Variants in AGAP1 observed in about 807,000 individuals in gnomAD.
AGAP1 encodes arf-GAP with GTPase, ANK repeat and PH domain-containing protein 1.
AGAP1 carries 29 observed loss-of-function variants against 105.3 expected under a neutral mutation model. The ratio of observed to expected loss-of-function variants is 0.28; its 90% CI spans 0.21 to 0.38. The LOEUF is 0.38. AGAP1 is among the 10% of genes least tolerant of loss of function. AGAP1 has a pLI of 1.00. For synonymous variants in AGAP1, 509 were observed against 485.9 expected (o/e 1.05, Z -0.63); for missense variants, 998 against 1,165.1 (o/e 0.86, Z 2.09).
chr2:235,883,070 C>G lies in AGAP1; in HGVS notation c.1051-275C>G, dbSNP rs2050111420. Among the ~76,000 whole-genome samples the G allele has an allele frequency of 6.6e-6, 1 of 152,128 alleles. No homozygotes were observed. ...CTCTTGGGCTCAAACGATCCTTACACCGTGCCCAGCCTGGGGTTTCTTTCT... is the reference window on the plus strand; with the variant it reads ...CTCTTGGGCTCAAACGATCCTTACAGCGTGCCCAGCCTGGGGTTTCTTTCT... On this transcript the variant is annotated intron_variant, in intron 9 of 17. Transcript: ENST00000304032. The surrounding 1 kb of genome is among the most constrained non-coding windows in gnomAD (Gnocchi z 4.5).
At chr2:236,084,779 C>T (rs1355659467) in intron 16 of AGAP1, among the ~76,000 whole-genome samples, 1 of 151,932 alleles carries the variant, frequency 6.6e-6, no homozygotes, top group Admixed American at 6.6e-5. Context: ...TGGTGGGCGC[C>T]TGTAGTCCCA....
In AGAP1 at chr2:236,062,711, G is replaced by C. The variant is rs557435967; in HGVS notation, c.2114+13430G>C. ...GAATCTCACTCTGTCACCCAGGCTG[G>C]AGTGCAGTGGAGCAATCTTGGCTCA... On this transcript the variant is annotated intron_variant, in intron 16 of 17. Coordinates refer to ENST00000304032, the MANE Select transcript of AGAP1 (RefSeq NM_001037131.3). This position sits in a 1 kb window ranked among gnomAD's most constrained non-coding sequence, Gnocchi z 4.2. 6.6e-6 allele frequency among the ~76,000 whole-genome samples: 1 copy of C among 152,218 alleles called. No individual in the cohort carries two copies. Among genetic ancestry groups the C allele is most frequent in the East Asian group, 1.9e-4 (1 of 5,172 alleles).
intron 12 of AGAP1, among the ~76,000 whole-genome samples, chr2:235,932,291 C>T (rs1450399889): frequency 6.6e-6 from 1 of 152,132 alleles, no homozygotes; most frequent in East Asian, 1.9e-4. Flanking sequence ...GTTCAATGGA[C>T]ACGTTCTCCC....
At chr2:235,943,230 C>T (rs1015894069) in intron 12 of AGAP1, among the ~76,000 whole-genome samples, 6 of 152,198 alleles carry the variant, frequency 3.9e-5, no homozygotes, top group Non-Finnish European at 7.3e-5. Flanking sequence ...TAAGAACCGT[C>T]AATCATACTG....
rs1410833022 is a variant in AGAP1, at chr2:236,092,677, C to T, written c.2115-27515C>T. Among the ~76,000 whole-genome samples the T allele has an allele frequency of 1.3e-5, 2 of 152,354 alleles. No individual in the cohort carries two copies. Among genetic ancestry groups the T allele is most frequent in the Admixed American group, 1.3e-4 (2 of 15,304 alleles). On this transcript the variant is annotated intron_variant, in intron 16 of 17. Transcript: ENST00000304032. This position sits in a 1 kb window ranked among gnomAD's most constrained non-coding sequence, Gnocchi z 4.7. ...AAAGTGCTGGGATTACAGGCGTGAG[C>T]CACCGCGCCCGGCCGTATTATTTCT...
intron 1 of AGAP1, among the ~76,000 whole-genome samples, chr2:235,524,887 A>T (rs922519517): frequency 1.3e-5 from 2 of 152,252 alleles, no homozygotes; most frequent in Non-Finnish European, 2.9e-5. Context: ...TAGTTATTAA[A>T]TTCTAGAAAA....
intron 1 of AGAP1, among the ~76,000 whole-genome samples, chr2:235,584,193 C>CTTTTTTTTTTTT (rs11447483): frequency 1.4e-5 from 2 of 139,986 alleles, no homozygotes; most frequent in Non-Finnish European, 1.5e-5. Context: ...CAATAAACCA[C>CTTTTTTTTTTTT]TTTTTTTTTT....
chr2:235,999,760 A>AGAGGTGGTGG (rs2056031725), intron 13 of AGAP1, among the ~76,000 whole-genome samples: 1 of 151,788 alleles, frequency 6.6e-6, no homozygotes, highest in African/African-American at 2.4e-5. Flanking sequence ...GATGATGCTG[A>AGAGGTGGTGG]TTATGATGTT....
chr2:235,824,234 A>G lies in AGAP1; in HGVS notation c.1050+16903A>G, dbSNP rs532781824. 6.6e-6 allele frequency among the ~76,000 whole-genome samples: 1 copy of G among 152,338 alleles called. No homozygotes were observed. Among genetic ancestry groups the G allele is most frequent in the South Asian group, 2.1e-4 (1 of 4,828 alleles). ...ACGGTACAGCTAGGCCTTCTGTGAG[A>G]TCCCTTTCCCCTTAATACAGAAATC... On this transcript the variant is annotated intron_variant, in intron 9 of 17. Coordinates refer to ENST00000304032, the MANE Select transcript of AGAP1 (RefSeq NM_001037131.3). The surrounding 1 kb of genome is among the most constrained non-coding windows in gnomAD (Gnocchi z 5.2).
At chr2:235,812,037 T>C (rs1168254025) in intron 9 of AGAP1, among the ~76,000 whole-genome samples, 1 of 152,172 alleles carries the variant, frequency 6.6e-6, no homozygotes, top group African/African-American at 2.4e-5. Context: ...GTCCGTCCTC[T>C]GCGATGCCCG....
chr2:235,872,379 G>C lies in AGAP1; in HGVS notation c.1051-10966G>C, dbSNP rs1370068057. Among the ~76,000 whole-genome samples, 1 of 152,178 alleles carries C rather than the reference G, an allele frequency of 6.6e-6. No individual in the cohort carries two copies. Among genetic ancestry groups the C allele is most frequent in the African/African-American group, 2.4e-5 (1 of 41,458 alleles). On this transcript the variant is annotated intron_variant, in intron 9 of 17. Coordinates refer to ENST00000304032, the MANE Select transcript of AGAP1 (RefSeq NM_001037131.3). The surrounding 1 kb of genome is among the most constrained non-coding windows in gnomAD (Gnocchi z 4.5). ...CAAGAAAGAATCTTAAGCAGAGATG[G>C]TTTTCACATGTACAAAAGTGGCATC...
At position 235,793,290 on chromosome 2, in the gene AGAP1, G is replaced by A. The variant is rs184618811; in HGVS notation, c.674-4469G>A. 2.0e-4 allele frequency among the ~76,000 whole-genome samples: 31 copies of A among 152,276 alleles called. No homozygotes were observed. The highest frequency in any genetic ancestry group is 6.5e-4 in the African/African-American group (27 of 41,552). ...GGGCGTGGCACACGGTGTAATCCGG[G>A]CAGCCTTGGCGAGCACCTCCTGTGT... On this transcript the variant is annotated intron_variant, in intron 6 of 17. Transcript: ENST00000304032. This position sits in a 1 kb window ranked among gnomAD's most constrained non-coding sequence, Gnocchi z 5.3.
At chr2:235,755,086 A>G (rs1239351103) in intron 6 of AGAP1, among the ~76,000 whole-genome samples, 3 of 151,992 alleles carry the variant, frequency 2.0e-5, no homozygotes, top group Non-Finnish European at 2.9e-5. Context: ...AGCCCTGGGG[A>G]AGGGAGGCAC....
intron 1 of AGAP1, among the ~76,000 whole-genome samples, chr2:235,523,692 T>C (rs1942713144): frequency 6.6e-6 from 1 of 152,186 alleles, no homozygotes; most frequent in South Asian, 2.1e-4. Flanking sequence ...CAGGGGAGGC[T>C]GCACAGACAT....
At position 235,574,259 on chromosome 2, in the gene AGAP1, C is replaced by T. The variant is rs1574879845; in HGVS notation, c.163+79410C>T. 6.6e-6 allele frequency among the ~76,000 whole-genome samples: 1 copy of T among 152,196 alleles called. No individual in the cohort carries two copies. Among genetic ancestry groups the T allele is most frequent in the East Asian group, 1.9e-4 (1 of 5,192 alleles). ...TCATCCTAAAAACGCCTCTGAGATC[C>T]ACCCCCACTCCTGCCATCAGGCATT... On this transcript the variant is annotated intron_variant, in intron 1 of 17. Coordinates refer to ENST00000304032, the MANE Select transcript of AGAP1 (RefSeq NM_001037131.3). The surrounding 1 kb of genome is among the most constrained non-coding windows in gnomAD (Gnocchi z 5.0).
At chr2:235,637,194 T>A (rs1367503533) in intron 1 of AGAP1, among the ~76,000 whole-genome samples, 1 of 152,222 alleles carries the variant, frequency 6.6e-6, no homozygotes, top group Non-Finnish European at 1.5e-5. Flanking sequence ...TCAGTTTCTT[T>A]GTCTGTAAAA....
At chr2:236,039,158 A>G (rs568027215) in intron 14 of AGAP1, among the ~76,000 whole-genome samples, 2 of 152,208 alleles carry the variant, frequency 1.3e-5, no homozygotes, top group African/African-American at 4.8e-5. Context: ...AAAACACTAC[A>G]TATCAGCCAG....
intron 11 of AGAP1, among the ~76,000 whole-genome samples, chr2:235,914,705 G>A (rs570870249): frequency 1.6e-3 from 246 of 152,298 alleles, no homozygotes; most frequent in African/African-American, 5.1e-3. Flanking sequence ...CCACCCTCTG[G>A]GGCTCATGCA....
At position 235,611,246 on chromosome 2, in the gene AGAP1, C is replaced by T. The variant is rs969504897; in HGVS notation, c.164-97933C>T. On this transcript the variant is annotated intron_variant, in intron 1 of 17. Coordinates refer to ENST00000304032, the MANE Select transcript of AGAP1 (RefSeq NM_001037131.3). This position sits in a 1 kb window ranked among gnomAD's most constrained non-coding sequence, Gnocchi z 5.0. ...CTTCCCAGGCAGCTGCAAAGGTGGT[C>T]TTGGTTTGACTCCCTTGTGGCCCAC... is the stretch of plus-strand genomic sequence containing the variant. Among the ~76,000 whole-genome samples the T allele has an allele frequency of 3.3e-5, 5 of 152,206 alleles. No individual in the cohort carries two copies. The highest frequency in any genetic ancestry group is 1.2e-4 in the African/African-American group (5 of 41,454).
Sources: gnomAD v4.1 joint callset for allele counts (sites outside exome capture counted in the v4.1 genomes callset) on GRCh38, gnomAD v4.1.1 for gene constraint, Gnocchi (gnomAD v3.1) non-coding constraint, MANE v1.5 for transcripts, NCBI Gene and HGNC (gene_info 2026-07-23, HGNC 2026-07-21) for gene names.